Variants in ALK observed in about 807,000 individuals in gnomAD.
The protein encoded by ALK is ALK tyrosine kinase receptor.
A neutral mutation model predicts 163.1 loss-of-function variants in ALK; 74 were observed. That is an observed-to-expected ratio of 0.45 (90% CI 0.38 to 0.55). ALK has a LOEUF of 0.55. Among genes scored for constraint, ALK ranks in the 20% least tolerant of loss-of-function variants. ALK has a pLI of 0.00. For synonymous variants in ALK, 960 were observed against 843.2 expected, an observed-to-expected ratio of 1.14 and a Z score of -2.40; for missense variants, 2,063 against 2,105.3, an observed-to-expected ratio of 0.98 and a Z score of 0.39.
chr2:29,554,799 G>C (rs1673804288), intron 3 of ALK, among the ~76,000 whole-genome samples: 1 of 152,098 alleles, frequency 6.6e-6, no homozygotes, highest in Non-Finnish European at 1.5e-5. Flanking sequence ...ACAAGATACA[G>C]GTCATAAAGA....
intron 3 of ALK, among the ~76,000 whole-genome samples, chr2:29,680,256 T>C (rs138647782): frequency 4.4e-4 from 67 of 152,170 alleles, no homozygotes; most frequent in Middle Eastern, 3.4e-3. Flanking sequence ...CCATTATTTC[T>C]TCAAAAAAAT....
intron 1 of ALK, among the ~76,000 whole-genome samples, chr2:29,828,957 C>A (rs975149298): frequency 2.6e-5 from 4 of 151,828 alleles, no homozygotes; most frequent in African/African-American, 9.7e-5. Flanking sequence ...AAATGTGGCA[C>A]ATATACACCA....
chr2:29,372,767 TC>T (rs535320270), intron 5 of ALK, among the ~76,000 whole-genome samples: 61 of 152,318 alleles, frequency 4.0e-4, no homozygotes, highest in African/African-American at 1.4e-3. Context: ...TGCTTTTCTT[TC>T]TGTTGCATCT....
intron 3 of ALK, among the ~76,000 whole-genome samples, chr2:29,640,115 C>A (rs1355340809): frequency 2.6e-5 from 4 of 152,184 alleles, no homozygotes; most frequent in Non-Finnish European, 5.9e-5. Context: ...TCCAGTTCCC[C>A]CTTCTGTCTC....
At chr2:29,701,565 T>G (rs530526550) in intron 2 of ALK, among the ~76,000 whole-genome samples, 16 of 152,214 alleles carry the variant, frequency 1.1e-4, no homozygotes, top group Non-Finnish European at 2.1e-4. Context: ...TTCTTGATTT[T>G]GTCTCTTATT....
chr2:29,664,123 C>G (rs747314302), intron 3 of ALK, among the ~76,000 whole-genome samples: 1 of 152,126 alleles, frequency 6.6e-6, no homozygotes, highest in Non-Finnish European at 1.5e-5. Context: ...CTCCAATTGC[C>G]AATGTCTCTG....
intron 1 of ALK, among the ~76,000 whole-genome samples, chr2:29,855,518 C>T (rs537877469): frequency 8.1e-4 from 124 of 152,234 alleles, no homozygotes; most frequent in African/African-American, 2.9e-3. Context: ...ATTAATAGGC[C>T]TATACATAAC....
chr2:29,561,451 A>C (rs962756052), intron 3 of ALK, among the ~76,000 whole-genome samples: 1 of 152,196 alleles, frequency 6.6e-6, no homozygotes, highest in Non-Finnish European at 1.5e-5. Context: ...GCGTGGAGGA[A>C]GCTGCTGGCC....
chr2:29,460,006 T>C (rs956911191), intron 4 of ALK, among the ~76,000 whole-genome samples: 6 of 152,124 alleles, frequency 3.9e-5, no homozygotes, highest in Non-Finnish European at 5.9e-5. Flanking sequence ...AAGTACACAG[T>C]GGATCCTCAG....
At chr2:29,287,104 C>A (rs1053659816) in intron 9 of ALK, among the ~76,000 whole-genome samples, 5 of 152,200 alleles carry the variant, frequency 3.3e-5, no homozygotes, top group Admixed American at 6.5e-5. Flanking sequence ...CTAAGAAACT[C>A]ATCCACAGAA....
intron 1 of ALK, among the ~76,000 whole-genome samples, chr2:29,718,867 GAGA>G (rs1384310859): frequency 6.6e-6 from 1 of 152,202 alleles, no homozygotes; most frequent in Non-Finnish European, 1.5e-5. Context: ...GGGAGAAGAG[GAGA>G]AGAAGAGAAA....
At chr2:29,631,601 T>G (rs77473635) in intron 3 of ALK, among the ~76,000 whole-genome samples, 3 of 152,242 alleles carry the variant, frequency 2.0e-5, no homozygotes, top group African/African-American at 7.2e-5. Flanking sequence ...TTTGATTTCA[T>G]TGCTTGAAAT....
intron 4 of ALK, among the ~76,000 whole-genome samples, chr2:29,426,553 A>G (rs1047277927): frequency 7.9e-5 from 12 of 152,198 alleles, no homozygotes; most frequent in Non-Finnish European, 1.3e-4. Context: ...AAATTCCCAG[A>G]TCAGCAAAAA....
rs56247462 is a variant in ALK, at chr2:29,220,751, C to G, written c.3600G>C (p.Ala1200=). 3,630 of 1,613,912 alleles carry G rather than the reference C, an allele frequency of 2.2e-3. 133 individuals carry two copies. The East Asian group carries it at 0.073, about 32-fold the overall frequency. ...LPRFILLELM[A]GGDLKSFLRE... ...GGAGGAAGGACTTGAGGTCTCCCCC[C>G]GCCATGAGCTCCAGCAGGATGAACC... The change falls in exon 23 of 29, where the codon GCG becomes GCC. Residue 1200 remains alanine, a synonymous_variant. Transcript: ENST00000389048.
intron 4 of ALK, among the ~76,000 whole-genome samples, chr2:29,494,208 T>C (rs1299904800): frequency 1.3e-5 from 2 of 152,232 alleles, no homozygotes; most frequent in Non-Finnish European, 2.9e-5. Flanking sequence ...GCAGTATAAA[T>C]GGCAGTTTTG....
chr2:29,858,688 A>G (rs1212882594), intron 1 of ALK, among the ~76,000 whole-genome samples: 1 of 151,970 alleles, frequency 6.6e-6, no homozygotes, highest in Non-Finnish European at 1.5e-5. Flanking sequence ...GGATGCAGTG[A>G]GCCAAGATTG....
At chr2:29,359,123 G>C (rs888230371) in intron 5 of ALK, among the ~76,000 whole-genome samples, 4 of 151,152 alleles carry the variant, frequency 2.6e-5, no homozygotes, top group Admixed American at 2.0e-4. Context: ...AACTAAAAAA[G>C]AGAATCTTCT....
At chr2:29,269,828 A>AGAAGTTAGCTGAATG in intron 11 of ALK, among the ~76,000 whole-genome samples, 1 of 152,308 alleles carries the variant, frequency 6.6e-6, no homozygotes, top group South Asian at 2.1e-4. Flanking sequence ...GGGTGCTAAC[A>AGAAGTTAGCTGAATG]GAAGTGCCTT....
chr2:29,820,568 G>A (rs1211335783), intron 1 of ALK, among the ~76,000 whole-genome samples: 2 of 152,180 alleles, frequency 1.3e-5, no homozygotes, highest in Non-Finnish European at 2.9e-5. Context: ...CTGAAAGCCT[G>A]AGCAATGTAC....
Sources: gnomAD v4.1 joint callset for allele counts (sites outside exome capture counted in the v4.1 genomes callset) on GRCh38, gnomAD v4.1.1 for gene constraint, MANE v1.5 for transcripts, NCBI Gene and HGNC (gene_info 2026-07-23, HGNC 2026-07-21) for gene names.